Variants in ZEB2 observed in about 807,000 individuals in gnomAD.
The protein encoded by ZEB2 is zinc finger E-box-binding homeobox 2.
A neutral mutation model predicts 99.9 loss-of-function variants in ZEB2; 6 were observed. The ratio of observed to expected loss-of-function variants is 0.06; its 90% confidence interval spans 0.03 to 0.12. The LOEUF is 0.12. Among genes scored for constraint, ZEB2 ranks in the 10% least tolerant of loss-of-function variants. The probability of loss-of-function intolerance (pLI) is 1.00; values close to 1 mark genes in which losing one functional copy is unlikely to be tolerated. For synonymous variants in ZEB2, 517 were observed against 542.5 expected, an observed-to-expected ratio of 0.95 and a Z score of 0.65; for missense variants, 969 against 1,502.8, an observed-to-expected ratio of 0.64 and a Z score of 5.87.
chr2:144,483,311 ACTC>A (rs1374797922), intron 2 of ZEB2, among the ~76,000 whole-genome samples: 1 of 152,022 alleles, frequency 6.6e-6, no homozygotes, highest in African/African-American at 2.4e-5. Flanking sequence ...TGGGTCTCAG[ACTC>A]CTCATTTGTA....
rs572656955 is a variant in ZEB2, at chr2:144,386,309, A to G, written c.*3142T>C. On this transcript the variant is annotated 3_prime_UTR_variant, in exon 10 of 10. Coordinates refer to ENST00000627532, the MANE Select transcript of ZEB2 (RefSeq NM_014795.4). ...ACCTTGGAGAAGAATCTTAAGACAA[A>G]TCAAAAGTTTTTATTTTTCCCTAGA... 6.6e-6 allele frequency: 1 copy of G among 152,276 alleles called. No homozygotes were observed. Among genetic ancestry groups the G allele is most frequent in the Admixed American group, 6.5e-5 (1 of 15,300 alleles). 9.4% of individuals were successfully genotyped at this position (152,276 alleles called of 1,614,324 possible).
intron 4 of ZEB2, among the ~76,000 whole-genome samples, chr2:144,408,114 T>C (rs1008727247): frequency 2.0e-5 from 3 of 152,204 alleles, no homozygotes; most frequent in African/African-American, 7.2e-5. Context: ...TAGATTTCTA[T>C]GTCAAGTGTG....
chr2:144,406,258 G>A (rs1169882452), intron 4 of ZEB2, among the ~76,000 whole-genome samples: 2 of 152,022 alleles, frequency 1.3e-5, no homozygotes, highest in Admixed American at 6.6e-5. Context: ...AGTATTTTCT[G>A]AATGCCTAGT....
chr2:144,440,996 C>G (rs1350419163), intron 2 of ZEB2, among the ~76,000 whole-genome samples: 1 of 149,474 alleles, frequency 6.7e-6, no homozygotes, highest in Non-Finnish European at 1.5e-5. Flanking sequence ...TGTAAACAAA[C>G]AGTCCAACAA....
At chr2:144,504,539 C>G (rs1456691979) in intron 2 of ZEB2, 1 of 152,128 alleles carries the variant, frequency 6.6e-6, no homozygotes, top group Non-Finnish European at 1.5e-5. Context: ...TGAAGCTTGA[C>G]TGGGCTGATT....
In ZEB2 at chr2:144,389,070, G is replaced by C. The variant is rs944410468; in HGVS notation, c.*381C>G. 1.2e-5 allele frequency: 6 copies of C among 482,396 alleles called. No individual in the cohort carries two copies. Among genetic ancestry groups the C allele is most frequent in the Non-Finnish European group, 2.2e-5 (6 of 274,558 alleles). 29.9% of individuals were successfully genotyped at this position (482,396 alleles called of 1,614,324 possible). On this transcript the variant is annotated 3_prime_UTR_variant, in exon 10 of 10. Coordinates refer to ENST00000627532, the MANE Select transcript of ZEB2 (RefSeq NM_014795.4). The surrounding 1 kb of genome is among the most constrained non-coding windows in gnomAD (Gnocchi z 6.8). ...ATAATAAAAATACTGATGTATGGTA[G>C]TGCGGGCACCTTTTTAAAATGTATT...
At chr2:144,465,267 C>T (rs1266157971) in intron 2 of ZEB2, among the ~76,000 whole-genome samples, 1 of 152,070 alleles carries the variant, frequency 6.6e-6, no homozygotes, top group Non-Finnish European at 1.5e-5. Context: ...TTTTACTTCC[C>T]TCATGTTTGT....
chr2:144,399,546 T>C lies in ZEB2; in HGVS notation c.1641A>G (p.Ser547=). 6.2e-7 allele frequency: 1 copy of C among 1,614,212 alleles called. No individual in the cohort carries two copies. Among genetic ancestry groups the C allele is most frequent in the Non-Finnish European group, 8.5e-7 (1 of 1,180,022 alleles). ...TCTTTATATTACTGATCTGTCTCCT[T>C]GAGTCAGTAGTCAAGCTCTGGAGGC... ...KACLQSLTTD[S]RRQISNIKKE... is the part of the protein sequence containing the mutation. The change falls in exon 8 of 10, where the codon TCA becomes TCG. Residue 547 remains serine (S), a synonymous_variant. Coordinates refer to ENST00000627532, the MANE Select transcript of ZEB2 (RefSeq NM_014795.4). This position sits in a 1 kb window ranked among gnomAD's most constrained non-coding sequence, Gnocchi z 5.6.
intron 2 of ZEB2, among the ~76,000 whole-genome samples, chr2:144,491,694 T>G (rs1223812073): frequency 6.6e-6 from 1 of 152,222 alleles, no homozygotes; most frequent in East Asian, 1.9e-4. Flanking sequence ...GATTCACACA[T>G]GCTTTACCAA....
chr2:144,451,946 AT>A (rs201251001), intron 2 of ZEB2, among the ~76,000 whole-genome samples: 46 of 151,868 alleles, frequency 3.0e-4, no homozygotes, highest in Middle Eastern at 3.4e-3. Context: ...AAACATAACT[AT>A]TTTTTTTCTC....
intron 2 of ZEB2, among the ~76,000 whole-genome samples, chr2:144,514,711 T>G (rs1050832724): frequency 1.3e-5 from 2 of 152,208 alleles, no homozygotes; most frequent in African/African-American, 4.8e-5. Flanking sequence ...CAATAACCAG[T>G]ATACAGCATG....
chr2:144,508,507 ACT>A (rs1428111665), intron 2 of ZEB2, among the ~76,000 whole-genome samples: 1 of 151,934 alleles, frequency 6.6e-6, no homozygotes, highest in Non-Finnish European at 1.5e-5. Context: ...TGACACCTAC[ACT>A]CTTTTTCGAA....
intron 7 of ZEB2, 127 bp from the exon 8 acceptor site, chr2:144,400,397 C>A: frequency 9.7e-7 from 1 of 1,025,872 alleles, no homozygotes; most frequent in Non-Finnish European, 1.4e-6. Context: ...ATTCTAGGTA[C>A]TTAGATTAGA....
chr2:144,475,203 T>C (rs1259980493), intron 2 of ZEB2, among the ~76,000 whole-genome samples: 4 of 152,200 alleles, frequency 2.6e-5, no homozygotes, highest in Admixed American at 1.3e-4. Flanking sequence ...TTTTAGTTTA[T>C]GCGTTCTCAC....
rs549253387 is a variant in ZEB2 at position 144,455,975 on chromosome 2, CTTCT to C, written c.74-25953_74-25950del. The stretch of plus-strand genomic sequence containing the variant: ...TCCAAGCAGTACTTAACCAAATACT[CTTCT>C]TTAACTCTGACTAGATTTATGATGA... On this transcript the variant is annotated intron_variant, in intron 2 of 9. Coordinates refer to ENST00000627532, the MANE Select transcript of ZEB2 (RefSeq NM_014795.4). Among the ~76,000 whole-genome samples the C allele has an allele frequency of 2.0e-4, 30 of 152,250 alleles. 2 individuals carry two copies. In the South Asian group the frequency reaches 5.8e-3, roughly 29 times the overall value.
At chr2:144,424,304 A>C (rs1459650944) in intron 4 of ZEB2, 1 of 503,914 alleles carries the variant, frequency 2.0e-6, no homozygotes, top group Admixed American at 2.1e-5. Context: ...GAGAATTACA[A>C]GTAAAGAAAG....
At chr2:144,477,929 T>C (rs1232786220) in intron 2 of ZEB2, among the ~76,000 whole-genome samples, 1 of 152,172 alleles carries the variant, frequency 6.6e-6, no homozygotes, top group Admixed American at 6.5e-5. Flanking sequence ...CTAGAATCTA[T>C]TGCTTTTTTT....
chr2:144,457,487 T>C (rs1410295408), intron 2 of ZEB2, among the ~76,000 whole-genome samples: 3 of 152,114 alleles, frequency 2.0e-5, no homozygotes, highest in Non-Finnish European at 4.4e-5. Flanking sequence ...CAGAGTATGG[T>C]GGTGTCAGTA....
rs746257360 is a variant in ZEB2, at chr2:144,448,205, G to A, written c.74-18179C>T. 2.4e-4 allele frequency among the ~76,000 whole-genome samples: 37 copies of A among 152,026 alleles called. 1 individual carries two copies. The highest frequency in any genetic ancestry group is 2.8e-4 in the Non-Finnish European group (19 of 68,004). ...AGTGGTAAGATTTTATTTTTACTCC[G>A]TTTCTAAGTTGGATAAAGGGCAATG... On this transcript the variant is annotated intron_variant, in intron 2 of 9. Coordinates refer to ENST00000627532, the MANE Select transcript of ZEB2 (RefSeq NM_014795.4).
Sources: allele counts gnomAD v4.1 joint callset (sites outside exome capture counted in the v4.1 genomes callset), GRCh38; gene constraint gnomAD v4.1.1; non-coding constraint Gnocchi (gnomAD v3.1); transcripts MANE v1.5; gene names NCBI Gene and HGNC (gene_info 2026-07-23, HGNC 2026-07-21).